The following KIAA0753 variants were observed in gnomAD, a reference collection of about 807,000 sequenced individuals.
The protein encoded by KIAA0753 is protein moonraker.
Under a neutral mutation model 116.9 loss-of-function variants are expected in KIAA0753, and 114 were observed. The observed-to-expected ratio is 0.98, with a 90% CI of 0.84 to 1.14. The LOEUF (loss-of-function observed/expected upper bound fraction) is 1.14. Ranked by LOEUF, KIAA0753 falls within the 50% of genes most tolerant of loss-of-function variation. KIAA0753 has a pLI of 0.00. For missense variants in KIAA0753, 1,156 were observed against 1,172.4 expected (o/e 0.99, Z 0.20); for synonymous variants, 405 against 413.1 (o/e 0.98, Z 0.24).
intron 14 of KIAA0753, among the ~76,000 whole-genome samples, chr17:6,597,771 T>C (rs1969583221): frequency 1.3e-5 from 2 of 152,256 alleles, no homozygotes; most frequent in African/African-American, 4.8e-5. Context: ...AGCTGTATTT[T>C]ACTTGCAAAT....
chr17:6,625,604 T>C (rs1971615321), intron 3 of KIAA0753, among the ~76,000 whole-genome samples: 2 of 151,074 alleles, frequency 1.3e-5, no homozygotes, highest in South Asian at 2.1e-4. Context: ...GAGGCGGAGG[T>C]TGCAGTGAGC....
In KIAA0753 at chr17:6,639,533, G is replaced by T. The variant is rs749943534; in HGVS notation, c.-69+1104C>A. 1 of 152,586 alleles carries T rather than the reference G, an allele frequency of 6.6e-6. No individual in the cohort carries two copies. Among genetic ancestry groups the T allele is most frequent in the East Asian group, 1.9e-4 (1 of 5,182 alleles). 9.5% of individuals were successfully genotyped at this position (152,586 alleles called of 1,614,324 possible). A position where few individuals can be genotyped will look rare whatever the true frequency, so the allele number is the denominator to read the frequency against. The stretch of plus-strand genomic sequence containing the variant: ...AAAGCCCCAGGCACACTCGCAGGAG[G>T]CACCCTCCCAGCCTGTCCCTGTCCA... On this transcript the variant is annotated intron_variant, in intron 1 of 18. Transcript: ENST00000361413. This position sits in a 1 kb window ranked among gnomAD's most constrained non-coding sequence, Gnocchi z 4.3.
chr17:6,617,339 G>A (rs1035426903), intron 7 of KIAA0753, among the ~76,000 whole-genome samples: 4 of 152,184 alleles, frequency 2.6e-5, no homozygotes, highest in Non-Finnish European at 4.4e-5. Flanking sequence ...TAATTAGAAG[G>A]AAGATACTAT....
intron 7 of KIAA0753, among the ~76,000 whole-genome samples, chr17:6,618,141 A>C (rs1454460704): frequency 6.6e-6 from 1 of 151,988 alleles, no homozygotes; most frequent in Non-Finnish European, 1.5e-5. Context: ...CCACAACTAC[A>C]GGGTTTGGGG....
intron 18 of KIAA0753, among the ~76,000 whole-genome samples, chr17:6,583,690 T>C (rs2150725976): frequency 6.6e-6 from 1 of 152,312 alleles, no homozygotes; most frequent in East Asian, 1.9e-4. Flanking sequence ...TTCTAGAATG[T>C]CCATTTGGAT....
In KIAA0753 at chr17:6,628,100, A is replaced by C. The variant is rs1971788941; in HGVS notation, c.718+17T>G. 2 of 1,599,768 alleles carry C rather than the reference A, an allele frequency of 1.3e-6. No individual in the cohort carries two copies. Among genetic ancestry groups the C allele is most frequent in the Non-Finnish European group, 1.7e-6 (2 of 1,173,550 alleles). On this transcript the variant is annotated intron_variant, in intron 3 of 18. Coordinates refer to ENST00000361413, the MANE Select transcript of KIAA0753 (RefSeq NM_014804.3). ...ATCACAGCCTTAGGTCGAAGTAAAG[A>C]ATCTAATTTTTCTCACCTTTTTTAG...
chr17:6,599,343 T>A, intron 13 of KIAA0753, 23 bp from the exon 14 acceptor site: 1 of 1,484,430 alleles, frequency 6.7e-7, no homozygotes, highest in Non-Finnish European at 9.4e-7. Flanking sequence ...ACAAATACAT[T>A]CATGGAGTAT....
intron 16 of KIAA0753, among the ~76,000 whole-genome samples, chr17:6,591,664 T>G (rs1969072964): frequency 1.3e-5 from 2 of 152,234 alleles, no homozygotes; most frequent in African/African-American, 4.8e-5. Context: ...ATAATTTAAA[T>G]CATCCTTGAA....
chr17:6,589,824 G>GAT lies in KIAA0753; in HGVS notation c.2739_2740dup (p.Ser914TyrfsTer6). 6.2e-7 allele frequency: 1 copy of GAT among 1,613,974 alleles called. No individual in the cohort carries two copies. The highest frequency in any genetic ancestry group is 8.5e-7 in the Non-Finnish European group (1 of 1,179,946). ...GTTGAAGGAGCCTACAGCCTCATGA[G>GAT]ATATGATCCGAAGGTACTGCTCAAA... On this transcript the variant is annotated frameshift_variant, in exon 18 of 19. Coordinates refer to ENST00000361413, the MANE Select transcript of KIAA0753 (RefSeq NM_014804.3). LOFTEE classifies it high-confidence loss of function.
intron 16 of KIAA0753, among the ~76,000 whole-genome samples, chr17:6,591,019 G>A (rs1361588679): frequency 3.1e-5 from 3 of 98,064 alleles, no homozygotes; most frequent in African/African-American, 1.6e-4. Flanking sequence ...GGAAGAAGAA[G>A]GAAGAAGGAA....
At chr17:6,599,851 C>A (rs1178885056) in intron 13 of KIAA0753, among the ~76,000 whole-genome samples, 1 of 152,076 alleles carries the variant, frequency 6.6e-6, no homozygotes, top group Non-Finnish European at 1.5e-5. Flanking sequence ...GTCATACACA[C>A]AAGATTGCTT....
intron 12 of KIAA0753, among the ~76,000 whole-genome samples, chr17:6,604,095 A>C (rs1387521175): frequency 1.3e-5 from 2 of 152,236 alleles, no homozygotes; most frequent in African/African-American, 2.4e-5. Flanking sequence ...AAAGCGAAAC[A>C]AAACATACCA....
intron 8 of KIAA0753, among the ~76,000 whole-genome samples, chr17:6,610,538 A>ATTT (rs1567562745): frequency 6.0e-5 from 3 of 49,602 alleles, no homozygotes; most frequent in Admixed American, 2.6e-4. Context: ...TTTTTTTTTA[A>ATTT]GAGACAGGGT....
At chr17:6,590,377 A>T in intron 17 of KIAA0753, 133 bp downstream of exon 17, 1 of 1,016,166 alleles carries the variant, frequency 9.8e-7, no homozygotes, top group South Asian at 1.5e-5. Context: ...TTACTCAGCC[A>T]TCTTGGAGTT....
intron 2 of KIAA0753, among the ~76,000 whole-genome samples, chr17:6,633,373 T>C (rs531535239): frequency 1.3e-5 from 2 of 152,272 alleles, no homozygotes; most frequent in East Asian, 3.9e-4. Flanking sequence ...CCAGAATGGC[T>C]AAAGAGACAA....
chr17:6,590,640 G>C lies in KIAA0753; in HGVS notation c.2441-10C>G. ...GCTGAGATTTTTTGGTCTAGAAAAG[G>C]AGGGTCATAAAATGACTGCATATAA... On this transcript the variant is annotated splice_polypyrimidine_tract_variant and intron_variant, in intron 16 of 18. Coordinates refer to ENST00000361413, the MANE Select transcript of KIAA0753 (RefSeq NM_014804.3). 1.2e-6 allele frequency: 2 copies of C among 1,613,412 alleles called. No individual in the cohort carries two copies. The highest frequency in any genetic ancestry group is 1.7e-6 in the Non-Finnish European group (2 of 1,179,564).
chr17:6,585,040 T>C (rs1012513719), intron 18 of KIAA0753, among the ~76,000 whole-genome samples: 1 of 152,136 alleles, frequency 6.6e-6, no homozygotes, highest in African/African-American at 2.4e-5. Flanking sequence ...GCAATCCTCC[T>C]GCCTCAGCCT....
At chr17:6,612,221 C>G in intron 7 of KIAA0753, 73 bp from the exon 8 acceptor site, 1 of 1,124,258 alleles carries the variant, frequency 8.9e-7, no homozygotes. Flanking sequence ...TGATTATCTA[C>G]ACACAGATAG....
At chr17:6,591,076 A>AG (rs1969020873) in intron 16 of KIAA0753, among the ~76,000 whole-genome samples, 11 of 131,408 alleles carry the variant, frequency 8.4e-5, no homozygotes, top group Non-Finnish European at 1.4e-4. Context: ...AAGAAGAAGA[A>AG]GAAGAAGAAG....
Sources: allele counts gnomAD v4.1 joint callset (sites outside exome capture counted in the v4.1 genomes callset), GRCh38; gene constraint gnomAD v4.1.1; non-coding constraint Gnocchi (gnomAD v3.1); transcripts MANE v1.5; gene names NCBI Gene and HGNC (gene_info 2026-07-23, HGNC 2026-07-21).